Variants in PKN2 observed in about 807,000 individuals in gnomAD.
The protein encoded by PKN2 is protein kinase N2, also known as serine/threonine-protein kinase N2.
Under a neutral mutation model 119.1 loss-of-function variants are expected in PKN2, and 38 were observed. That is an observed-to-expected ratio of 0.32 (90% CI 0.25 to 0.42). The LOEUF (loss-of-function observed/expected upper bound fraction) is 0.42, where lower values mean the gene tolerates loss of function less well. PKN2 is among the 10% of genes least tolerant of loss of function. PKN2 has a pLI of 1.00. For synonymous variants in PKN2, 390 were observed against 384.9 expected, an observed-to-expected ratio of 1.01 and a Z score of -0.15; for missense variants, 850 against 1,165.1, an observed-to-expected ratio of 0.73 and a Z score of 3.94.
intron 6 of PKN2, among the ~76,000 whole-genome samples, chr1:88,776,256 CCACCCGT>C (rs1410952216): frequency 2.1e-5 from 3 of 145,826 alleles, no homozygotes; most frequent in Non-Finnish European, 4.5e-5. Context: ...CCACCCCGCC[CCACCCGT>C]CACTTCTCCC....
At chr1:88,832,607 A>ATTGTTGTTGTTG (rs3835587) in intron 19 of PKN2, 137 bp from the exon 20 acceptor site, 9 of 575,954 alleles carry the variant, frequency 1.6e-5, no homozygotes, top group African/African-American at 7.7e-5. Flanking sequence ...GCATGGGTTT[A>ATTGTTGTTGTTG]TTGTTGTTGT....
chr1:88,691,670 T>A (rs1666339774), intron 1 of PKN2, among the ~76,000 whole-genome samples: 1 of 152,142 alleles, frequency 6.6e-6, no homozygotes, highest in African/African-American at 2.4e-5. Flanking sequence ...TTCCACCTTC[T>A]TGTCATCTAG....
At chr1:88,745,235 T>G (rs1668727476) in intron 2 of PKN2, among the ~76,000 whole-genome samples, 1 of 152,206 alleles carries the variant, frequency 6.6e-6, no homozygotes, top group South Asian at 2.1e-4. Flanking sequence ...AACACTTCTT[T>G]TCAGCATAGT....
chr1:88,711,836 A>T (rs1667245444), intron 1 of PKN2, among the ~76,000 whole-genome samples: 3 of 152,144 alleles, frequency 2.0e-5, no homozygotes, highest in Admixed American at 2.0e-4. Flanking sequence ...ACTGTATTTT[A>T]TGTAATTTTC....
chr1:88,694,275 C>T (rs11803138), intron 1 of PKN2, among the ~76,000 whole-genome samples: 11,476 of 152,180 alleles, frequency 0.075, 907 homozygotes, highest in African/African-American at 0.2. Context: ...TCTACCTATT[C>T]ATCCTTCCCT....
chr1:88,776,077 C>T (rs1670084751), intron 6 of PKN2, among the ~76,000 whole-genome samples: 1 of 148,972 alleles, frequency 6.7e-6, no homozygotes, highest in Non-Finnish European at 1.5e-5. Context: ...CACTGCACTC[C>T]AGCCTGGGTG....
At chr1:88,704,974 TTGG>T (rs1347639011) in intron 1 of PKN2, among the ~76,000 whole-genome samples, 1 of 152,146 alleles carries the variant, frequency 6.6e-6, no homozygotes. Flanking sequence ...TATATCCTCT[TTGG>T]TGAAGTATCT....
At chr1:88,690,269 A>C (rs965847369) in intron 1 of PKN2, among the ~76,000 whole-genome samples, 5 of 152,250 alleles carry the variant, frequency 3.3e-5, no homozygotes, top group African/African-American at 9.6e-5. Flanking sequence ...TTTTCATGCC[A>C]TTCATCAGAA....
intron 8 of PKN2, 59 bp downstream of exon 8, chr1:88,786,272 T>C (rs949927253): frequency 2.3e-6 from 2 of 876,504 alleles, no homozygotes; most frequent in African/African-American, 1.7e-5. Context: ...ATGTGAGTTA[T>C]ATTTTTTAGA....
chr1:88,740,335 A>G (rs904088568), intron 1 of PKN2, among the ~76,000 whole-genome samples: 5 of 152,246 alleles, frequency 3.3e-5, no homozygotes, highest in African/African-American at 1.2e-4. Flanking sequence ...TTTATTTTTA[A>G]GAAGTTTCTT....
rs1670558782 is a variant in PKN2, at chr1:88,786,040, G to A, written c.1172-64G>A. ...TAAGACTTTTATTGCTAATCAAACA[G>A]CAGTACTTCTGTTTTTTATAAAGGT... On this transcript the variant is annotated intron_variant, in intron 7 of 21. Coordinates refer to ENST00000370521, the MANE Select transcript of PKN2 (RefSeq NM_006256.4). The A allele has an allele frequency of 3.4e-6, 3 of 895,322 alleles. No homozygotes were observed. In the South Asian group the frequency reaches 4.2e-5, roughly 13 times the overall value. 55.5% of individuals were successfully genotyped at this position (895,322 alleles called of 1,614,324 possible).
intron 19 of PKN2, chr1:88,829,257 TTGC>T: frequency 1.5e-6 from 1 of 680,246 alleles, no homozygotes; most frequent in Admixed American, 1.9e-5. Flanking sequence ...CCAGGTCAAT[TTGC>T]TGAGAATGAA....
chr1:88,698,144 T>G (rs1057017082), intron 1 of PKN2, among the ~76,000 whole-genome samples: 3 of 152,222 alleles, frequency 2.0e-5, no homozygotes, highest in Admixed American at 1.3e-4. Flanking sequence ...ACAAAAGGAC[T>G]GTTTTATTTT....
At chr1:88,824,434 C>A (rs762214842) in intron 18 of PKN2, 48 bp downstream of exon 18, 2 of 1,029,456 alleles carry the variant, frequency 1.9e-6, no homozygotes, top group South Asian at 1.3e-5. Context: ...ATTACTGTTT[C>A]TTTGTGCATC....
intron 8 of PKN2, among the ~76,000 whole-genome samples, chr1:88,789,686 A>C (rs567976621): frequency 8.4e-4 from 127 of 151,282 alleles, no homozygotes; most frequent in Middle Eastern, 6.9e-3. Flanking sequence ...TAATAATAAT[A>C]ATAATAACAA....
At chr1:88,695,410 C>T (rs1169478188) in intron 1 of PKN2, among the ~76,000 whole-genome samples, 2 of 152,014 alleles carry the variant, frequency 1.3e-5, no homozygotes, top group African/African-American at 4.8e-5. Context: ...CTCACTTTTT[C>T]CTTATTATAT....
intron 16 of PKN2, among the ~76,000 whole-genome samples, chr1:88,817,658 G>A (rs893442694): frequency 5.3e-5 from 8 of 150,976 alleles, no homozygotes; most frequent in South Asian, 2.1e-4. Context: ...GCAGTAAGCC[G>A]AGATCGCGCC....
intron 19 of PKN2, among the ~76,000 whole-genome samples, chr1:88,832,091 T>C (rs565619664): frequency 6.6e-6 from 1 of 152,152 alleles, no homozygotes; most frequent in Non-Finnish European, 1.5e-5. Flanking sequence ...TGCCTGGCAA[T>C]GTGTGCTTTT....
At chr1:88,789,036 T>C (rs1557612292) in intron 8 of PKN2, among the ~76,000 whole-genome samples, 1 of 152,184 alleles carries the variant, frequency 6.6e-6, no homozygotes, top group Non-Finnish European at 1.5e-5. Flanking sequence ...AAGAGCCCTG[T>C]CCTTAGAACC....
Sources: gnomAD v4.1 joint callset for allele counts (sites outside exome capture counted in the v4.1 genomes callset) on GRCh38, gnomAD v4.1.1 for gene constraint, MANE v1.5 for transcripts, NCBI Gene and HGNC (gene_info 2026-07-23, HGNC 2026-07-21) for gene names.